Variants in RABEP1 observed in about 807,000 individuals in gnomAD.
RABEP1 encodes the protein rab GTPase-binding effector protein 1.
RABEP1 carries 51 observed loss-of-function variants against 123.4 expected under a neutral mutation model. The observed-to-expected ratio is 0.41, with a 90% CI of 0.33 to 0.52. The LOEUF is 0.52. Ranked by LOEUF, RABEP1 falls within the 20% of genes least tolerant of loss-of-function variation. The pLI, the probability that RABEP1 is intolerant of heterozygous loss-of-function variation, is 0.16. For missense variants in RABEP1, 888 were observed against 996.3 expected (o/e 0.89, Z 1.46); for synonymous variants, 347 against 355.2 (o/e 0.98, Z 0.26).
intron 11 of RABEP1, among the ~76,000 whole-genome samples, chr17:5,367,183 A>G (rs1341899913): frequency 6.6e-6 from 1 of 152,026 alleles, no homozygotes; most frequent in Non-Finnish European, 1.5e-5. Flanking sequence ...GGAGTTATGA[A>G]GATATCCTAT....
At position 5,350,467 on chromosome 17, in the gene RABEP1, G is replaced by A. The variant is rs778599033; in HGVS notation, c.801G>A (p.Glu267=). The change falls in exon 7 of 18, where the codon GAG becomes GAA. Residue 267 remains glutamate, a synonymous_variant. Transcript: ENST00000537505. Reference sequence around the variant, plus strand: ...CCTAAACAGTTTGCCATCTCTTGGAGCAAGAGCGACAACAACACAACCAGT... The same window carrying A: ...CCTAAACAGTTTGCCATCTCTTGGAACAAGAGCGACAACAACACAACCAGT... ...KELHEVCHLL[E]QERQQHNQLK... 3.1e-6 allele frequency: 5 copies of A among 1,613,192 alleles called. No homozygotes were observed. The highest frequency in any genetic ancestry group is 2.2e-5 in the East Asian group (1 of 44,888).
At chr17:5,364,625 G>C (rs939889527) in intron 10 of RABEP1, among the ~76,000 whole-genome samples, 1 of 151,684 alleles carries the variant, frequency 6.6e-6, no homozygotes. Context: ...CCAGCTACTC[G>C]GGAGGCTGAG....
intron 2 of RABEP1, among the ~76,000 whole-genome samples, chr17:5,330,669 C>G (rs1906442205): frequency 6.6e-6 from 1 of 152,000 alleles, no homozygotes; most frequent in Non-Finnish European, 1.5e-5. Flanking sequence ...GAAATTGATA[C>G]TTTTACAAAG....
chr17:5,338,581 T>C (rs1907306145), intron 5 of RABEP1, among the ~76,000 whole-genome samples: 2 of 152,142 alleles, frequency 1.3e-5, no homozygotes, highest in African/African-American at 4.8e-5. Context: ...TAATAAAAAA[T>C]AAATTTAAAT....
intron 2 of RABEP1, among the ~76,000 whole-genome samples, chr17:5,309,634 CAA>C (rs895930900): frequency 7.8e-5 from 9 of 115,108 alleles, no homozygotes. Context: ...GCGTGGGCGA[CAA>C]GAGTGAAACT....
chr17:5,335,568 C>A (rs1480983729), intron 4 of RABEP1, among the ~76,000 whole-genome samples: 1 of 152,018 alleles, frequency 6.6e-6, no homozygotes, highest in Non-Finnish European at 1.5e-5. Flanking sequence ...GGGTTTTTCC[C>A]GACCACCCGC....
chr17:5,285,803 A>G (rs2074972081), intron 1 of RABEP1, among the ~76,000 whole-genome samples: 1 of 152,218 alleles, frequency 6.6e-6, no homozygotes, highest in African/African-American at 2.4e-5. Flanking sequence ...TGGCTTATGT[A>G]CTAGATCATG....
chr17:5,355,277 C>T (rs993350622), intron 8 of RABEP1, among the ~76,000 whole-genome samples: 1 of 152,164 alleles, frequency 6.6e-6, no homozygotes, highest in Admixed American at 6.5e-5. Flanking sequence ...GGGCTGTATT[C>T]CCACTTGGTC....
At chr17:5,345,485 A>AT (rs1008048377) in intron 5 of RABEP1, among the ~76,000 whole-genome samples, 1 of 152,186 alleles carries the variant, frequency 6.6e-6, no homozygotes, top group Non-Finnish European at 1.5e-5. Context: ...AATATTAGAA[A>AT]TTCATTATTA....
intron 15 of RABEP1, among the ~76,000 whole-genome samples, chr17:5,379,513 C>T (rs539892845): frequency 2.4e-4 from 36 of 152,260 alleles, no homozygotes; most frequent in African/African-American, 8.7e-4. Flanking sequence ...CAGTCTTGAT[C>T]ATCATCACTG....
chr17:5,296,887 GCAC>G (rs2075088528), intron 1 of RABEP1, among the ~76,000 whole-genome samples: 1 of 152,100 alleles, frequency 6.6e-6, no homozygotes, highest in African/African-American at 2.4e-5. Flanking sequence ...CTACAGGTGT[GCAC>G]CACCACATCT....
At chr17:5,316,832 CAAAAAAAAAAAAA>C (rs55890740) in intron 2 of RABEP1, among the ~76,000 whole-genome samples, 1 of 67,176 alleles carries the variant, frequency 1.5e-5, no homozygotes, top group Non-Finnish European at 2.6e-5. Context: ...GACTCTGTCT[CAAAAAAAAAAAAA>C]AAAAAAAAAA....
rs1160240430 is a variant in RABEP1, at chr17:5,386,189, G to A, written c.*2966G>A. The A allele has an allele frequency of 6.2e-7, 1 of 1,604,366 alleles. No individual in the cohort carries two copies. Among genetic ancestry groups the A allele is most frequent in the Non-Finnish European group, 8.5e-7 (1 of 1,172,784 alleles). The stretch of plus-strand genomic sequence containing the variant: ...TCAATGGTGTTCAGTTCAGGTGTGA[G>A]TCAGCTCCTGGTGGTGTCAGAAGTT... On this transcript the variant is annotated 3_prime_UTR_variant, in exon 18 of 18. Transcript: ENST00000537505.
chr17:5,368,085 T>G (rs1342769271), intron 11 of RABEP1, among the ~76,000 whole-genome samples: 7 of 152,106 alleles, frequency 4.6e-5, no homozygotes, highest in African/African-American at 1.4e-4. Context: ...TCTTTAAACA[T>G]AGCTACAACT....
chr17:5,357,741 T>C (rs560428737), intron 8 of RABEP1, among the ~76,000 whole-genome samples: 12 of 152,222 alleles, frequency 7.9e-5, no homozygotes, highest in African/African-American at 2.9e-4. Flanking sequence ...TGAAAAAAGT[T>C]TTGTGTTACT....
chr17:5,305,530 G>GT (rs1270424629), intron 1 of RABEP1, among the ~76,000 whole-genome samples: 3 of 152,260 alleles, frequency 2.0e-5, no homozygotes, highest in Non-Finnish European at 4.4e-5. Flanking sequence ...ATGTTGAGGG[G>GT]TATGGGTGTT....
At chr17:5,364,178 T>C (rs547680953) in intron 10 of RABEP1, 1 of 152,366 alleles carries the variant, frequency 6.6e-6, no homozygotes, top group South Asian at 2.1e-4. Context: ...GGTGTAGGAA[T>C]GGTTTTCATA....
chr17:5,361,063 A>C (rs1909478973), intron 8 of RABEP1, 145 bp from the exon 9 acceptor site: 2 of 727,372 alleles, frequency 2.7e-6, no homozygotes, highest in Admixed American at 5.8e-5. Flanking sequence ...TAGAAATGAC[A>C]CTTAGTGTTT....
intron 7 of RABEP1, among the ~76,000 whole-genome samples, chr17:5,353,693 C>G (rs1908764123): frequency 6.6e-6 from 1 of 151,788 alleles, no homozygotes; most frequent in Non-Finnish European, 1.5e-5. Flanking sequence ...GCAAAAAAAC[C>G]AAAAAATTAG....
Sources: gnomAD v4.1 joint callset for allele counts (sites outside exome capture counted in the v4.1 genomes callset) on GRCh38, gnomAD v4.1.1 for gene constraint, MANE v1.5 for transcripts, NCBI Gene and HGNC (gene_info 2026-07-23, HGNC 2026-07-21) for gene names.